Variants in MIS18A observed in about 807,000 individuals in gnomAD.
MIS18A encodes protein Mis18-alpha.
A neutral mutation model predicts 25.0 loss-of-function variants in MIS18A; 14 were observed. The observed-to-expected ratio is 0.56, with a 90% CI of 0.37 to 0.88. The LOEUF is 0.88. Ranked by LOEUF, MIS18A falls within the 40% of genes least tolerant of loss-of-function variation. The pLI is 0.00. For missense variants in MIS18A, 292 were observed against 290.8 expected (o/e 1.00, Z -0.03); for synonymous variants, 134 against 118.6 (o/e 1.13, Z -0.84).
chr21:32,168,579 TAAA>T, the MIS18A span, among the ~76,000 whole-genome samples: 2 of 152,050 alleles, frequency 1.3e-5, no homozygotes, highest in African/African-American at 4.8e-5. Flanking sequence ...TATTGTAAAA[TAAA>T]AATGCATTGT....
chr21:32,266,326 T>G (rs1460822362), downstream of MIS18A, among the ~76,000 whole-genome samples: 5 of 152,150 alleles, frequency 3.3e-5, no homozygotes, highest in African/African-American at 1.2e-4. Context: ...AACAGGCCAC[T>G]CGGCTCTACC....
chr21:32,215,265 C>T, the MIS18A span, among the ~76,000 whole-genome samples: 1 of 152,230 alleles, frequency 6.6e-6, no homozygotes, highest in Non-Finnish European at 1.5e-5. Context: ...CTCCCTCTCA[C>T]CCCTCCTTTC....
the MIS18A span, among the ~76,000 whole-genome samples, chr21:32,210,952 G>A: frequency 2.6e-4 from 39 of 152,218 alleles, no homozygotes; most frequent in Admixed American, 7.8e-4. Context: ...ATACTTTCCT[G>A]AGTCTGCCTC....
At chr21:32,246,905 C>T in the MIS18A span, among the ~76,000 whole-genome samples, 1,591 of 152,084 alleles carry the variant, frequency 0.01, 30 homozygotes, top group African/African-American at 0.036. Context: ...CTCTGAAGGG[C>T]GGAACTTTAT....
chr21:32,223,983 C>T, the MIS18A span, among the ~76,000 whole-genome samples: 1 of 152,194 alleles, frequency 6.6e-6, no homozygotes, highest in Non-Finnish European at 1.5e-5. Flanking sequence ...ATACACAAAT[C>T]AATAAATGTA....
chr21:32,223,885 T>C, the MIS18A span, among the ~76,000 whole-genome samples: 2,270 of 152,274 alleles, frequency 0.015, 57 homozygotes, highest in African/African-American at 0.052. Context: ...CTCAACAAAA[T>C]AATGGTCAAC....
At chr21:32,207,659 G>C in the MIS18A span, among the ~76,000 whole-genome samples, 1 of 152,078 alleles carries the variant, frequency 6.6e-6, no homozygotes, top group South Asian at 2.1e-4. Context: ...TGGTTTGTTG[G>C]AATTTTTTGG....
the MIS18A span, among the ~76,000 whole-genome samples, chr21:32,199,421 C>T: frequency 1.1e-4 from 16 of 151,830 alleles, no homozygotes; most frequent in Admixed American, 2.6e-4. Context: ...AAATATTTTG[C>T]CTTGAAAACA....
the MIS18A span, among the ~76,000 whole-genome samples, chr21:32,163,731 T>C: frequency 2.6e-5 from 4 of 152,278 alleles, no homozygotes; most frequent in African/African-American, 7.2e-5. Flanking sequence ...CACTATTGCA[T>C]TGATGGAAAG....
chr21:32,269,663 C>CA, intron 4 of MIS18A, 44 bp downstream of exon 4: 1 of 1,229,834 alleles, frequency 8.1e-7, no homozygotes, highest in Non-Finnish European at 1.2e-6. Flanking sequence ...TCTTCACTGA[C>CA]AAACTGTTCA....
intron 1 of MIS18A, among the ~76,000 whole-genome samples, chr21:32,275,252 G>A (rs766183449): frequency 2.6e-5 from 4 of 152,070 alleles, no homozygotes; most frequent in African/African-American, 7.2e-5. Context: ...ATTTTAAAAG[G>A]TTATTTCCTC....
chr21:32,276,460 C>CAAAA (rs558102501), intron 1 of MIS18A, among the ~76,000 whole-genome samples: 2,115 of 72,740 alleles, frequency 0.029, 269 homozygotes, highest in Middle Eastern at 0.05. Flanking sequence ...GACTCTGTCT[C>CAAAA]AAAAAAAAAA....
the MIS18A span, among the ~76,000 whole-genome samples, chr21:32,194,101 G>C: frequency 6.6e-6 from 1 of 152,122 alleles, no homozygotes; most frequent in East Asian, 1.9e-4. Context: ...CACCCAAACT[G>C]AAATTTGGGC....
chr21:32,259,194 G>T, the MIS18A span, among the ~76,000 whole-genome samples: 1 of 152,120 alleles, frequency 6.6e-6, no homozygotes, highest in Admixed American at 6.5e-5. Flanking sequence ...TTTCTGATAA[G>T]CCTCAGGCAA....
At chr21:32,258,372 T>A in the MIS18A span, among the ~76,000 whole-genome samples, 2 of 152,132 alleles carry the variant, frequency 1.3e-5, no homozygotes, top group South Asian at 2.1e-4. Context: ...GACTATTATT[T>A]TATTTTAATT....
At chr21:32,255,671 C>T in the MIS18A span, among the ~76,000 whole-genome samples, 2 of 151,490 alleles carry the variant, frequency 1.3e-5, no homozygotes, top group South Asian at 2.1e-4. Flanking sequence ...GGGTGGATCA[C>T]GAGGTCAGTA....
the MIS18A span, among the ~76,000 whole-genome samples, chr21:32,233,853 A>G: frequency 6.6e-6 from 1 of 152,180 alleles, no homozygotes; most frequent in African/African-American, 2.4e-5. Flanking sequence ...AACTGAGCCA[A>G]AATTAAAGGG....
the MIS18A span, among the ~76,000 whole-genome samples, chr21:32,189,702 C>A: frequency 6.6e-6 from 1 of 152,180 alleles, no homozygotes; most frequent in African/African-American, 2.4e-5. Context: ...TCCCTTGACT[C>A]ACCTGTGTCC....
the MIS18A span, among the ~76,000 whole-genome samples, chr21:32,178,408 A>AT: frequency 8.3e-3 from 1,253 of 151,876 alleles, 10 homozygotes; most frequent in Non-Finnish European, 0.014. Flanking sequence ...GTTTTTCTCT[A>AT]TTTTTTCTTG....
Sources: gnomAD v4.1 joint callset for allele counts (sites outside exome capture counted in the v4.1 genomes callset) on GRCh38, gnomAD v4.1.1 for gene constraint, MANE v1.5 for transcripts, NCBI Gene and HGNC (gene_info 2026-07-23, HGNC 2026-07-21) for gene names.